The following SLC8A3 variants were observed in gnomAD, a reference collection of about 807,000 sequenced individuals.
SLC8A3 encodes sodium/calcium exchanger 3.
Under a neutral mutation model 65.4 loss-of-function variants are expected in SLC8A3, and 37 were observed. The ratio of observed to expected loss-of-function variants is 0.57; its 90% CI spans 0.44 to 0.74. SLC8A3 has a LOEUF of 0.74. Among genes scored for constraint, SLC8A3 ranks in the 30% least tolerant of loss-of-function variants. SLC8A3 has a pLI of 0.00. For missense variants in SLC8A3, 1,112 were observed against 1,172.1 expected (o/e 0.95, Z 0.75); for synonymous variants, 461 against 444.5 (o/e 1.04, Z -0.47).
chr14:70,187,464 T>C (rs1413303837), intron 1 of SLC8A3, among the ~76,000 whole-genome samples: 1 of 151,786 alleles, frequency 6.6e-6, no homozygotes, highest in Non-Finnish European at 1.5e-5. Context: ...TAAAATACAA[T>C]GAATTAAGAC....
At chr14:70,118,121 C>T (rs1011156466) in intron 2 of SLC8A3, among the ~76,000 whole-genome samples, 2 of 152,148 alleles carry the variant, frequency 1.3e-5, no homozygotes, top group Admixed American at 6.5e-5. Context: ...AAATAAATTC[C>T]AGGTAAATTT....
chr14:70,127,140 T>A (rs1595032075), intron 2 of SLC8A3, among the ~76,000 whole-genome samples: 2 of 144,530 alleles, frequency 1.4e-5, no homozygotes, highest in East Asian at 4.2e-4. Flanking sequence ...CCAAGTAATT[T>A]ACAAGCAAAT....
intron 3 of SLC8A3, chr14:70,058,965 C>A (rs34806603): frequency 0.082 from 12,415 of 152,242 alleles, 539 homozygotes; most frequent in Non-Finnish European, 0.093. Context: ...TGAGGTAGGG[C>A]AGGTGCTGAG....
At chr14:70,137,786 CTTTTTT>C (rs36057761) in intron 2 of SLC8A3, among the ~76,000 whole-genome samples, 13 of 132,214 alleles carry the variant, frequency 9.8e-5, no homozygotes, top group Admixed American at 3.9e-4. Flanking sequence ...CTGGTGGTGC[CTTTTTT>C]TTTTTTTTTT....
intron 2 of SLC8A3, among the ~76,000 whole-genome samples, chr14:70,146,822 G>C (rs1189538074): frequency 6.6e-6 from 1 of 152,218 alleles, no homozygotes; most frequent in Admixed American, 6.5e-5. Context: ...CTAAGTGCAA[G>C]AAGGCTGGGA....
At chr14:70,181,467 A>C (rs1199815620) in intron 1 of SLC8A3, among the ~76,000 whole-genome samples, 230 of 26,670 alleles carry the variant, frequency 8.6e-3, no homozygotes, top group African/African-American at 0.032. Context: ...GCCACACGCA[A>C]AAAAAAAAAA....
chr14:70,140,778 A>G (rs915566316), intron 2 of SLC8A3, among the ~76,000 whole-genome samples: 3 of 152,198 alleles, frequency 2.0e-5, no homozygotes, highest in African/African-American at 7.2e-5. Flanking sequence ...CTCCTATAGC[A>G]TCTATGAGAT....
chr14:70,152,714 G>A (rs889598193), intron 2 of SLC8A3, among the ~76,000 whole-genome samples: 4 of 152,172 alleles, frequency 2.6e-5, no homozygotes, highest in South Asian at 2.1e-4. Flanking sequence ...GAGTGGGCCC[G>A]TTCTGTCAGT....
chr14:70,165,076 CT>C (rs1566823624), intron 2 of SLC8A3, among the ~76,000 whole-genome samples: 4 of 152,170 alleles, frequency 2.6e-5, no homozygotes, highest in Non-Finnish European at 5.9e-5. Context: ...ACACTGAGTG[CT>C]TATGTCTATG....
intron 2 of SLC8A3, among the ~76,000 whole-genome samples, chr14:70,130,585 G>A (rs1894759631): frequency 6.6e-6 from 1 of 152,190 alleles, no homozygotes; most frequent in African/African-American, 2.4e-5. Context: ...TGCATGTTAA[G>A]GCAACTCCAC....
chr14:70,076,081 A>G (rs188616282), intron 2 of SLC8A3, among the ~76,000 whole-genome samples: 1 of 151,554 alleles, frequency 6.6e-6, no homozygotes, highest in African/African-American at 2.4e-5. Context: ...TCCACCACCC[A>G]CTCGGCCTGG....
intron 2 of SLC8A3, among the ~76,000 whole-genome samples, chr14:70,112,286 CTCA>C (rs1893359977): frequency 6.6e-6 from 1 of 152,172 alleles, no homozygotes. Context: ...GGACAGTGCT[CTCA>C]TCAGTGTCTC....
At chr14:70,162,821 T>C (rs17765507) in intron 2 of SLC8A3, among the ~76,000 whole-genome samples, 2 of 152,036 alleles carry the variant, frequency 1.3e-5, no homozygotes, top group East Asian at 3.9e-4. Flanking sequence ...AATGTTAAGG[T>C]TTCATTGTAA....
intron 2 of SLC8A3, among the ~76,000 whole-genome samples, chr14:70,094,034 C>G (rs1384877392): frequency 6.6e-6 from 1 of 152,202 alleles, no homozygotes; most frequent in Admixed American, 6.5e-5. Context: ...TGTGGGCCAG[C>G]ATGGAAAAGT....
chr14:70,131,480 A>C (rs1029762601), intron 2 of SLC8A3, among the ~76,000 whole-genome samples: 15 of 152,224 alleles, frequency 9.9e-5, no homozygotes, highest in Non-Finnish European at 2.2e-4. Context: ...GCTAGCCCAC[A>C]GGGTATACAG....
chr14:70,150,266 C>A (rs1896187049), intron 2 of SLC8A3, among the ~76,000 whole-genome samples: 1 of 152,094 alleles, frequency 6.6e-6, no homozygotes, highest in Non-Finnish European at 1.5e-5. Flanking sequence ...CTATTATTAG[C>A]CATGTTATGT....
intron 3 of SLC8A3, chr14:70,060,536 G>T (rs997745317): frequency 2.0e-6 from 1 of 493,892 alleles, no homozygotes; most frequent in Admixed American, 2.6e-5. Flanking sequence ...GCAAAACAGG[G>T]AAATAACTCA....
Position 70,166,898 on chromosome 14 carries a change from G to A in SLC8A3, c.1525C>T (p.Pro509Ser). Residue 509 changes from proline (P) to serine (S), a missense_variant, in exon 2 of 7, where the codon CCT (proline) becomes TCT (serine). By Grantham distance (74) the Pro-to-Ser change is moderately conservative. Coordinates refer to ENST00000356921, the MANE Select transcript of SLC8A3 (RefSeq NM_182932.3). ...PPAIFNSLPL[P>S]RAVLASPCVA... ...CAAGGGGAGGCTAGGACAGCCCGAG[G>A]CAAGGGAAGACTGTTGAATATTGCT... The A allele has an allele frequency of 6.2e-7, 1 of 1,614,156 alleles. No individual in the cohort carries two copies. Among genetic ancestry groups the A allele is most frequent in the African/African-American group, 1.3e-5 (1 of 75,050 alleles).
rs902448692 is a variant in SLC8A3 at position 70,080,062 on chromosome 14, C to A, written c.1785-19123G>T. The A allele has an allele frequency of 1.1e-5, 11 of 983,680 alleles. No individual in the cohort carries two copies. In the Admixed American group the frequency reaches 2.5e-4, roughly 22 times the overall value. The allele number at this position is 983,680 out of a possible 1,614,324, so 60.9% of individuals were successfully genotyped here. On this transcript the variant is annotated intron_variant, in intron 2 of 6. Transcript: ENST00000356921. ...CATGAGAAAGCACAGGCAGCAGGCT[C>A]AGCAAGTGATGGTTCCCTTTCCTTC...
Sources: gnomAD v4.1 joint callset for allele counts (sites outside exome capture counted in the v4.1 genomes callset) on GRCh38, gnomAD v4.1.1 for gene constraint, MANE v1.5 for transcripts, NCBI Gene and HGNC (gene_info 2026-07-23, HGNC 2026-07-21) for gene names.